Variants in CTNNA3 observed in about 807,000 individuals in gnomAD.
The protein encoded by CTNNA3 is catenin alpha-3.
In CTNNA3, 76 loss-of-function variants were observed where a neutral mutation model predicts 95.7. The ratio of observed to expected loss-of-function variants is 0.79; its 90% confidence interval spans 0.66 to 0.96. CTNNA3 has a LOEUF of 0.96. CTNNA3 is among the 40% of genes least tolerant of loss of function. The pLI is 0.00. For missense variants in CTNNA3, 1,191 were observed against 1,089.8 expected (o/e 1.09, Z -1.31); for synonymous variants, 431 against 374.4 (o/e 1.15, Z -1.74).
At chr10:66,376,134 T>C (rs375997632) in intron 12 of CTNNA3, among the ~76,000 whole-genome samples, 96 of 152,298 alleles carry the variant, frequency 6.3e-4, no homozygotes, top group African/African-American at 2.3e-3. Flanking sequence ...CACAAAAATG[T>C]CTTATGTCCG....
intron 13 of CTNNA3, among the ~76,000 whole-genome samples, chr10:66,104,268 T>C (rs2081788951): frequency 6.6e-6 from 1 of 152,144 alleles, no homozygotes; most frequent in African/African-American, 2.4e-5. Flanking sequence ...CTACTTTATC[T>C]GCCATAATGA....
At chr10:66,635,990 CTGTGTGTGT>C (rs1845319511) in intron 9 of CTNNA3, among the ~76,000 whole-genome samples, 1 of 145,854 alleles carries the variant, frequency 6.9e-6, no homozygotes, top group African/African-American at 2.5e-5. Flanking sequence ...TGGAAGAACA[CTGTGTGTGT>C]GTGTGTGTGT....
intron 17 of CTNNA3, among the ~76,000 whole-genome samples, chr10:65,944,854 G>GTCTATCTATCTA (rs56952134): frequency 4.8e-4 from 70 of 144,948 alleles, no homozygotes; most frequent in East Asian, 1.4e-3. Flanking sequence ...GAAAATATCT[G>GTCTATCTATCTA]TCTATCTATC....
rs1865522090 is a variant in CTNNA3, at chr10:67,237,167, TATATATAC to T, written c.580-17305_580-17298del. ...ATATATATATATATATATATATATA[TATATATAC>T]ACACACAATGGAATACTACTCAGTC... On this transcript the variant is annotated intron_variant, in intron 5 of 17. Coordinates refer to ENST00000433211, the MANE Select transcript of CTNNA3 (RefSeq NM_013266.4). 7.3e-5 allele frequency among the ~76,000 whole-genome samples: 8 copies of T among 109,024 alleles called. 1 individual carries two copies. In the South Asian group the frequency reaches 2.0e-3, roughly 28 times the overall value. 71.5% of individuals were successfully genotyped at this position (109,024 alleles called of 152,430 possible).
intron 15 of CTNNA3, among the ~76,000 whole-genome samples, chr10:66,019,395 C>A (rs1032091738): frequency 6.6e-6 from 1 of 152,034 alleles, no homozygotes; most frequent in Non-Finnish European, 1.5e-5. Flanking sequence ...ACCTATCTTT[C>A]GCTTGCCTTC....
intron 7 of CTNNA3, among the ~76,000 whole-genome samples, chr10:66,829,934 C>T (rs542926095): frequency 2.0e-5 from 3 of 151,856 alleles, no homozygotes; most frequent in South Asian, 4.2e-4. Context: ...GGTGCGATCT[C>T]GGCTCCCTGC....
chr10:66,444,664 C>G (rs1243742003), intron 11 of CTNNA3, among the ~76,000 whole-genome samples: 1 of 152,050 alleles, frequency 6.6e-6, no homozygotes, highest in Non-Finnish European at 1.5e-5. Context: ...TAAAAGAGCT[C>G]CTGAAGGAAG....
At chr10:66,307,186 C>T (rs886553449) in intron 12 of CTNNA3, among the ~76,000 whole-genome samples, 1 of 152,050 alleles carries the variant, frequency 6.6e-6, no homozygotes, top group African/African-American at 2.4e-5. Context: ...TGACCTTCTT[C>T]CTGTATGTAA....
chr10:66,285,623 T>C (rs1299334349), intron 12 of CTNNA3, among the ~76,000 whole-genome samples: 2 of 151,852 alleles, frequency 1.3e-5, no homozygotes, highest in South Asian at 2.1e-4. Context: ...TAATGTTCTA[T>C]GATGACCTTT....
At chr10:67,214,301 C>A (rs901518113) in intron 6 of CTNNA3, among the ~76,000 whole-genome samples, 4 of 151,650 alleles carry the variant, frequency 2.6e-5, no homozygotes, top group African/African-American at 7.3e-5. Context: ...TATGACTACA[C>A]ATTTTTAGTA....
chr10:66,877,208 G>T (rs535222987), intron 7 of CTNNA3, among the ~76,000 whole-genome samples: 1 of 152,200 alleles, frequency 6.6e-6, no homozygotes, highest in South Asian at 2.1e-4. Flanking sequence ...AAGGGTTTGG[G>T]CACTGTGTTC....
At chr10:66,919,159 A>G (rs556340067) in intron 7 of CTNNA3, among the ~76,000 whole-genome samples, 3 of 149,278 alleles carry the variant, frequency 2.0e-5, no homozygotes, top group Non-Finnish European at 4.5e-5. Flanking sequence ...AAAAAAAGAC[A>G]TATGTTGAAG....
intron 7 of CTNNA3, among the ~76,000 whole-genome samples, chr10:66,850,174 G>A (rs1589330600): frequency 6.6e-6 from 1 of 152,178 alleles, no homozygotes; most frequent in South Asian, 2.1e-4. Flanking sequence ...ATTTTTAAAA[G>A]AATAAATAAA....
chr10:66,996,118 C>T (rs1851321573), intron 7 of CTNNA3, among the ~76,000 whole-genome samples: 1 of 152,170 alleles, frequency 6.6e-6, no homozygotes, highest in Non-Finnish European at 1.5e-5. Flanking sequence ...GTTCATCTTA[C>T]TCTCTATTGC....
At chr10:67,454,178 TA>T (rs1847087295) in intron 5 of CTNNA3, among the ~76,000 whole-genome samples, 1 of 152,194 alleles carries the variant, frequency 6.6e-6, no homozygotes, top group African/African-American at 2.4e-5. Context: ...GCCTATCCTT[TA>T]GTTTTAAGGT....
Position 66,520,607 on chromosome 10 carries a change from A to G in CTNNA3, c.1531+10T>C, listed in dbSNP as rs370348361. ...GAGAAAATAAACAAATTAAAAGAATAAAAACATACCAGATACAGCAAGGAA... is the reference window on the plus strand; with the variant it reads ...GAGAAAATAAACAAATTAAAAGAATGAAAACATACCAGATACAGCAAGGAA... On this transcript the variant is annotated intron_variant, in intron 11 of 17. Coordinates refer to ENST00000433211, the MANE Select transcript of CTNNA3 (RefSeq NM_013266.4). The G allele has an allele frequency of 7.5e-6, 12 of 1,593,290 alleles. No individual in the cohort carries two copies. The East Asian group carries it at 2.3e-4, about 31-fold the overall frequency.
At chr10:66,059,407 A>G (rs74965188) in intron 15 of CTNNA3, among the ~76,000 whole-genome samples, 1 of 152,136 alleles carries the variant, frequency 6.6e-6, no homozygotes, top group Non-Finnish European at 1.5e-5. Flanking sequence ...AGAGTCTCAG[A>G]TGCCTGAGTA....
At chr10:67,174,737 A>G (rs1335184551) in intron 7 of CTNNA3, among the ~76,000 whole-genome samples, 1 of 152,130 alleles carries the variant, frequency 6.6e-6, no homozygotes, top group Non-Finnish European at 1.5e-5. Context: ...CAGCTCCTAT[A>G]TTCCAGCTTC....
At chr10:66,389,973 C>T (rs1393967964) in intron 11 of CTNNA3, among the ~76,000 whole-genome samples, 1 of 152,122 alleles carries the variant, frequency 6.6e-6, no homozygotes, top group African/African-American at 2.4e-5. Context: ...TCGCCTCAAG[C>T]GATTCTCCTA....
Sources: gnomAD v4.1 joint callset for allele counts (sites outside exome capture counted in the v4.1 genomes callset) on GRCh38, gnomAD v4.1.1 for gene constraint, MANE v1.5 for transcripts, NCBI Gene and HGNC (gene_info 2026-07-23, HGNC 2026-07-21) for gene names.